The following GRK6 variants were observed in gnomAD, a reference collection of about 807,000 sequenced individuals.
GRK6 encodes G protein-coupled receptor kinase 6.
GRK6 carries 37 observed loss-of-function variants against 80.8 expected under a neutral mutation model. The ratio of observed to expected loss-of-function variants is 0.46; its 90% confidence interval spans 0.35 to 0.60. GRK6 has a LOEUF of 0.60. Ranked by LOEUF, GRK6 falls within the 20% of genes least tolerant of loss-of-function variation. The pLI, the probability that GRK6 is intolerant of heterozygous loss-of-function variation, is 0.00. For synonymous variants in GRK6, 295 were observed against 320.9 expected, an observed-to-expected ratio of 0.92 and a Z score of 0.86; for missense variants, 560 against 784.6, an observed-to-expected ratio of 0.71 and a Z score of 3.42.
chr5:177,433,801 G>A, intron 8 of GRK6, 113 bp from the exon 9 acceptor site: 4 of 1,511,416 alleles, frequency 2.6e-6, no homozygotes, highest in Non-Finnish European at 3.6e-6. Context: ...TTGACACCAG[G>A]CTTGGGGAGC....
At chr5:177,436,334 T>TAC in intron 12 of GRK6, 53 bp downstream of exon 12, 22 of 1,555,910 alleles carry the variant, frequency 1.4e-5, no homozygotes, top group Admixed American at 3.4e-5. Context: ...GATGCACCTT[T>TAC]CCCTCCCTCC....
chr5:177,438,245 G>A lies in GRK6; in HGVS notation c.1404+1715G>A, dbSNP rs1275492786. 3.9e-5 allele frequency among the ~76,000 whole-genome samples: 6 copies of A among 152,114 alleles called. No homozygotes were observed. In the South Asian group the frequency reaches 1.2e-3, roughly 32 times the overall value. Reference sequence around the variant, plus strand: ...TAGCTGGGCATGGTGGCGCATGCCTGTAATCCCAGCTACTCGGCAGACTGA... The same window carrying A: ...TAGCTGGGCATGGTGGCGCATGCCTATAATCCCAGCTACTCGGCAGACTGA... On this transcript the variant is annotated intron_variant, in intron 13 of 15. Coordinates refer to ENST00000355472, the MANE Select transcript of GRK6 (RefSeq NM_001004106.3).
chr5:177,441,169 G>T, intron 15 of GRK6, 116 bp downstream of exon 15: 1 of 1,485,852 alleles, frequency 6.7e-7, no homozygotes, highest in Non-Finnish European at 9.2e-7. Context: ...TCCTGTTGTG[G>T]TGCCCAGGGT....
intron 7 of GRK6, 32 bp from the exon 8 acceptor site, chr5:177,433,504 G>A (rs764458842): frequency 5.0e-6 from 8 of 1,613,174 alleles, no homozygotes; most frequent in Non-Finnish European, 6.8e-6. Flanking sequence ...GGCACAGCTG[G>A]CCCCCATTCG....
rs1438724892 is a variant in GRK6, at chr5:177,441,001, A to G, written c.1625A>G (p.Gln542Arg). ...SVPPDLDWKG[Q>R]PPAPPKKGLL... ...CCCCCAGACCTGGACTGGAAGGGCC[A>G]GCCACCTGCACCTCCTAAAAAGGGA... Residue 542 changes from glutamine (Q) to arginine (R), a missense_variant, in exon 15 of 16, where the codon CAG becomes CGG. By Grantham distance (43) the Gln-to-Arg change is conservative. Coordinates refer to ENST00000355472, the MANE Select transcript of GRK6 (RefSeq NM_001004106.3). 6.2e-7 allele frequency: 1 copy of G among 1,613,934 alleles called. No homozygotes were observed. Among genetic ancestry groups the G allele is most frequent in the Non-Finnish European group, 8.5e-7 (1 of 1,180,028 alleles).
At chr5:177,441,267 G>A (rs375028542) in intron 15 of GRK6, 77 of 1,563,614 alleles carry the variant, frequency 4.9e-5, no homozygotes, top group South Asian at 4.1e-4. Flanking sequence ...TGGGCTCCCC[G>A]TGGGTTGGCC....
rs567258965 is a variant in GRK6 at position 177,434,568 on chromosome 5, A to T, written c.930-334A>T. ...AACCTCACAACAGCCTAGTCAGGGG[A>T]CGGATGAGTAGTCCCATTTGATAGA... is the stretch of plus-strand genomic sequence containing the variant. On this transcript the variant is annotated intron_variant, in intron 9 of 15. Transcript: ENST00000355472. Among the ~76,000 whole-genome samples, 9 of 152,246 alleles carry T rather than the reference A, an allele frequency of 5.9e-5. No homozygotes were observed. In the East Asian group the frequency reaches 1.2e-3, roughly 20 times the overall value.
At chr5:177,438,668 C>G (rs1263631802) in intron 13 of GRK6, 1 of 152,236 alleles carries the variant, frequency 6.6e-6, no homozygotes, top group Non-Finnish European at 1.5e-5. Flanking sequence ...AAGATGGGAC[C>G]GCTGGGGGAC....
At chr5:177,437,724 T>A (rs912227349) in intron 13 of GRK6, among the ~76,000 whole-genome samples, 1 of 152,174 alleles carries the variant, frequency 6.6e-6, no homozygotes, top group Non-Finnish European at 1.5e-5. Context: ...ACTCTTTCCC[T>A]CCCCCTGAAT....
intron 2 of GRK6, among the ~76,000 whole-genome samples, chr5:177,431,473 G>C (rs1168202153): frequency 6.6e-6 from 1 of 152,230 alleles, no homozygotes; most frequent in African/African-American, 2.4e-5. Context: ...CTTGGCCAAG[G>C]CCCCAGGTCT....
chr5:177,433,891 G>A (rs970465295), intron 8 of GRK6, 23 bp from the exon 9 acceptor site: 1 of 1,539,984 alleles, frequency 6.5e-7, no homozygotes, highest in African/African-American at 1.4e-5. Context: ...CCTGCCTGAG[G>A]GCTCGGGTCC....
chr5:177,432,305 C>T lies in GRK6; in HGVS notation c.334C>T (p.His112Tyr), dbSNP rs1028723194. The T allele has an allele frequency of 2.5e-6, 4 of 1,612,440 alleles. No homozygotes were observed. The African/African-American group carries it at 5.3e-5, about 22-fold the overall frequency. Residue 112 changes from histidine to tyrosine, a missense_variant, in exon 4 of 16, where the codon CAC becomes TAC. Transcript: ENST00000355472. ...GCAGCTAACGCAGAATTTTCTGAGC[C>T]ACACGGTGAGTGAGCAGCGATGGAG... ...GRQLTQNFLS[H>Y]TGPDLIPEVP... is the part of the protein sequence containing the mutation.
chr5:177,435,290 C>G lies in GRK6; in HGVS notation c.1057+169C>G, dbSNP rs951761811. Among the ~76,000 whole-genome samples the G allele has an allele frequency of 3.9e-5, 6 of 152,356 alleles. No individual in the cohort carries two copies. The South Asian group carries it at 1.0e-3, about 26-fold the overall frequency. ...TAGGAGACCAAGACTCAGCCGGGGC[C>G]GCACACAGTTGTGAAGCCATGTCGT... On this transcript the variant is annotated intron_variant, in intron 11 of 15. Coordinates refer to ENST00000355472, the MANE Select transcript of GRK6 (RefSeq NM_001004106.3).
chr5:177,442,395 G>C lies in GRK6; in HGVS notation c.*605G>C, dbSNP rs1404485702. 1 of 153,458 alleles carries C rather than the reference G, an allele frequency of 6.5e-6. No individual in the cohort carries two copies. 9.5% of individuals were successfully genotyped at this position (153,458 alleles called of 1,614,324 possible). On this transcript the variant is annotated 3_prime_UTR_variant, in exon 16 of 16. Coordinates refer to ENST00000355472, the MANE Select transcript of GRK6 (RefSeq NM_001004106.3). ...CCCTAGGCCTGTGCCAAAGTGGCCA[G>C]AGATTGGGCTGCCTGTGATACCCAT...
Position 177,436,127 on chromosome 5 carries a change from T to G in GRK6, c.1112T>G (p.Leu371Arg). 1 of 1,614,024 alleles carries G rather than the reference T, an allele frequency of 6.2e-7. No individual in the cohort carries two copies. Among genetic ancestry groups the G allele is most frequent in the East Asian group, 2.2e-5 (1 of 44,882 alleles). The change falls in exon 12 of 16, where the codon CTC (leucine) becomes CGC (arginine). Residue 371 changes from leucine to arginine, a missense_variant. By Grantham distance (102) the Leu-to-Arg change is moderately radical. Around this residue, in one of 3 missense-constraint regions of GRK6, gnomAD observed 294 missense variants for 397.4 expected, o/e 0.74. Coordinates refer to ENST00000355472, the MANE Select transcript of GRK6 (RefSeq NM_001004106.3). The part of the protein sequence containing the change: ...RYTFSPDWWA[L>R]GCLLYEMIAG... The stretch of plus-strand genomic sequence containing the variant: ...ACGTTCAGCCCTGACTGGTGGGCGC[T>G]CGGCTGCCTCCTGTACGAGATGATC...
At chr5:177,437,441 G>T (rs373306587) in intron 13 of GRK6, among the ~76,000 whole-genome samples, 10 of 152,272 alleles carry the variant, frequency 6.6e-5, no homozygotes, top group African/African-American at 2.4e-4. Context: ...GCAGTGGGAG[G>T]GGCTGTTGGG....
Position 177,433,905 on chromosome 5 carries a change from CGGCCACAGGTGAGCTT to C in GRK6, c.739-4_750del. On this transcript the variant is annotated splice_acceptor_variant and splice_polypyrimidine_tract_variant and coding_sequence_variant and intron_variant, in exon 9 of 16. Coordinates refer to ENST00000355472, the MANE Select transcript of GRK6 (RefSeq NM_001004106.3). LOFTEE classifies it high-confidence loss of function. Reference sequence around the variant, plus strand: ...TCCTGCCTGAGGGCTCGGGTCCCCTCGGCCACAGGTGAGCTTGGCCTACGCCTATGAGACCAAGGAC... The same window carrying C: ...TCCTGCCTGAGGGCTCGGGTCCCCTCGGCCTACGCCTATGAGACCAAGGAC... The C allele has an allele frequency of 1.3e-6, 2 of 1,550,816 alleles. No individual in the cohort carries two copies. The highest frequency in any genetic ancestry group is 2.4e-5 in the South Asian group (2 of 82,170).
intron 1 of GRK6, among the ~76,000 whole-genome samples, chr5:177,430,499 A>G (rs551670801): frequency 6.6e-6 from 1 of 152,268 alleles, no homozygotes; most frequent in African/African-American, 2.4e-5. Context: ...CTGGCCTAGA[A>G]TCTCTCCCTC....
At position 177,434,096 on chromosome 5, in the gene GRK6, C is replaced by T. The variant is rs1378066987; in HGVS notation, c.921C>T (p.Ile307=). ...TGGAGGACCTGCACCGGGAGCGCAT[C>T]GTGTACAGGTGGGGAGGGCTCGGCC... is the stretch of plus-strand genomic sequence containing the variant. ...CGLEDLHRER[I]VYRDLKPENI... is the part of the protein sequence containing the mutation. The change falls in exon 9 of 16, where the codon ATC becomes ATT. Residue 307 remains isoleucine (I), a synonymous_variant. Transcript: ENST00000355472. The T allele has an allele frequency of 9.5e-6, 15 of 1,580,582 alleles. No individual in the cohort carries two copies. The highest frequency in any genetic ancestry group is 4.0e-5 in the African/African-American group (3 of 74,280).
Sources: gnomAD v4.1 joint callset for allele counts (sites outside exome capture counted in the v4.1 genomes callset) on GRCh38, gnomAD v4.1.1 for gene constraint, gnomAD v4.1.1 regional missense constraint, MANE v1.5 for transcripts, NCBI Gene and HGNC (gene_info 2026-07-23, HGNC 2026-07-21) for gene names.